BAIAP2: variants seen among roughly 807,000 people sequenced by gnomAD.
The protein encoded by BAIAP2 is BAR/IMD domain containing adaptor protein 2, also known as BAR/IMD domain-containing adapter protein 2.
BAIAP2 carries 18 observed loss-of-function variants against 63.0 expected under a neutral mutation model. The ratio of observed to expected loss-of-function variants is 0.29; its 90% CI spans 0.20 to 0.42. The LOEUF is 0.42. Among genes scored for constraint, BAIAP2 ranks in the 10% least tolerant of loss-of-function variants. The pLI, the probability that BAIAP2 is intolerant of heterozygous loss-of-function variation, is 1.00. For synonymous variants in BAIAP2, 386 were observed against 307.6 expected (o/e 1.25, Z -2.67); for missense variants, 610 against 734.3 (o/e 0.83, Z 1.96).
chr17:81,109,227 C>T (rs957213301), intron 13 of BAIAP2: 15 of 1,376,122 alleles, frequency 1.1e-5, no homozygotes, highest in East Asian at 2.8e-5. Flanking sequence ...CTGTGTGTCC[C>T]AGCCTTTTGA....
chr17:81,086,617 C>T, intron 6 of BAIAP2, 37 bp downstream of exon 6: 1 of 1,609,314 alleles, frequency 6.2e-7, no homozygotes. Flanking sequence ...CCTCTCCTGC[C>T]ACCTTGGGAC....
intron 9 of BAIAP2, 142 bp downstream of exon 9, chr17:81,104,250 TAC>T: frequency 1.0e-6 from 1 of 961,540 alleles, no homozygotes; most frequent in Non-Finnish European, 1.6e-6. Context: ...ATGCATGTGG[TAC>T]ACACACGTGT....
chr17:81,057,979 C>CCCCCCT lies in BAIAP2; in HGVS notation c.217+17_217+18insTCCCCC. 1 of 1,084,604 alleles carries CCCCCCT rather than the reference C, an allele frequency of 9.2e-7. No individual in the cohort carries two copies. The highest frequency in any genetic ancestry group is 1.2e-6 in the Non-Finnish European group (1 of 821,744). The allele number at this position is 1,084,604 out of a possible 1,614,324, so 67.2% of individuals were successfully genotyped here. A position where few individuals can be genotyped will look rare whatever the true frequency, so the allele number is the denominator to read the frequency against. On this transcript the variant is annotated intron_variant, in intron 3 of 13. Coordinates refer to ENST00000428708, the MANE Select transcript of BAIAP2 (RefSeq NM_001144888.2). ...CTCCAAAGAACTCGGTGAGACCCCC[C>CCCCCCT]CCCCCCCCCCGCCTGGTAGTCGCCT...
chr17:81,099,958 G>A lies in BAIAP2; in HGVS notation c.520G>A (p.Glu174Lys), dbSNP rs2058269279. The A allele has an allele frequency of 6.2e-7, 1 of 1,613,486 alleles. No individual in the cohort carries two copies. The highest frequency in any genetic ancestry group is 8.5e-7 in the Non-Finnish European group (1 of 1,179,956). ...CGACGCCATCAGCAACAAGCAGGGC[G>A]AGCTGGAGAATTACGTGTCCGACGG... Reference protein sequence around the residue: ...YIDAISNKQGELENYVSDGYK... With the variant: ...YIDAISNKQGKLENYVSDGYK... The change falls in exon 7 of 14, where the codon GAG becomes AAG. Residue 174 changes from glutamate to lysine, a missense_variant. Transcript: ENST00000428708.
At chr17:81,069,114 T>G (rs545636519) in intron 3 of BAIAP2, among the ~76,000 whole-genome samples, 80 of 152,326 alleles carry the variant, frequency 5.3e-4, no homozygotes, top group African/African-American at 1.8e-3. Flanking sequence ...TTTAAACGTC[T>G]GAAGGGCAAA....
rs115574007 is a variant in BAIAP2, at chr17:81,075,637, C to A, written c.218-9195C>A. 2.1e-3 allele frequency among the ~76,000 whole-genome samples: 322 copies of A among 152,314 alleles called. 1 individual carries two copies. Among genetic ancestry groups the A allele is most frequent in the African/African-American group, 7.4e-3 (309 of 41,572 alleles). On this transcript the variant is annotated intron_variant, in intron 3 of 13. Transcript: ENST00000428708. Reference sequence around the variant, plus strand: ...GTCCTGAGTGACCCTCTCCAAGGACCCTACCTCCACCTGTCCACCAGCCCT... The same window carrying A: ...GTCCTGAGTGACCCTCTCCAAGGACACTACCTCCACCTGTCCACCAGCCCT...
At position 81,066,910 on chromosome 17, in the gene BAIAP2, T is replaced by C. The variant is rs942409201; in HGVS notation, c.217+8943T>C. ...GACAGCAGTGTATGGGCATGACACC[T>C]GCTTTCAGGCCCTCACGGCAGGGCC... On this transcript the variant is annotated intron_variant, in intron 3 of 13. Transcript: ENST00000428708. Among the ~76,000 whole-genome samples, 9 of 152,228 alleles carry C rather than the reference T, an allele frequency of 5.9e-5. No homozygotes were observed. In the South Asian group the frequency reaches 6.2e-4, roughly 11 times the overall value.
rs1415943425 is a variant in BAIAP2, at chr17:81,080,857, T to TA, written c.218-3967dup. Among the ~76,000 whole-genome samples, 23 of 151,812 alleles carry TA rather than the reference T, an allele frequency of 1.5e-4. 1 individual carries two copies. Among genetic ancestry groups the TA allele is most frequent in the Admixed American group, 1.4e-3 (22 of 15,266 alleles). On this transcript the variant is annotated intron_variant, in intron 3 of 13. Transcript: ENST00000428708. ...CATAGTGAGACCCCATCTCAAAAAA[T>TA]AAAAAAAATGGGATATGGCAAGAGC...
In BAIAP2 at chr17:81,108,823, C is replaced by G. The variant is rs1001826330; in HGVS notation, c.1535+314C>G. 3.0e-6 allele frequency: 4 copies of G among 1,314,826 alleles called. No homozygotes were observed. The African/African-American group carries it at 5.9e-5, about 19-fold the overall frequency. The allele number at this position is 1,314,826 out of a possible 1,614,324, so 81.4% of individuals were successfully genotyped here. A position where few individuals can be genotyped will look rare whatever the true frequency, so the allele number is the denominator to read the frequency against. On this transcript the variant is annotated intron_variant, in intron 13 of 13. Transcript: ENST00000428708. ...GCAGCCTCCTCTGCCCCAATCTGTG[C>G]TCCGCCCTTGTCCTGGGTCTTCCTG...
intron 1 of BAIAP2, 86 bp downstream of exon 1, chr17:81,035,394 G>T: frequency 1.2e-6 from 1 of 808,224 alleles, no homozygotes; most frequent in Non-Finnish European, 1.5e-6. Flanking sequence ...GACCAGGGCG[G>T]CCCCGGGGCC....
rs1341708244 is a variant in BAIAP2 at position 81,041,866 on chromosome 17, C to T, written c.54+6558C>T. On this transcript the variant is annotated intron_variant, in intron 1 of 13. Transcript: ENST00000428708. ...GGATTACAGGCATGAGCCACTGCGC[C>T]TGGCCCTGTTTGGGTAGATTTTTCA... Among the ~76,000 whole-genome samples the T allele has an allele frequency of 3.3e-5, 5 of 152,224 alleles. No individual in the cohort carries two copies. In the East Asian group the frequency reaches 5.8e-4, roughly 18 times the overall value.
At chr17:81,037,135 C>T (rs1386451359) in intron 1 of BAIAP2, among the ~76,000 whole-genome samples, 1 of 152,240 alleles carries the variant, frequency 6.6e-6, no homozygotes, top group Non-Finnish European at 1.5e-5. Flanking sequence ...GGACTTTGAG[C>T]CCCTGTGGAC....
At chr17:81,036,289 T>G (rs758559417) in intron 1 of BAIAP2, among the ~76,000 whole-genome samples, 14 of 152,250 alleles carry the variant, frequency 9.2e-5, no homozygotes, top group Admixed American at 3.3e-4. Context: ...CTTACAGATG[T>G]GCTTTGTTTC....
At chr17:81,079,921 C>T (rs866151452) in intron 3 of BAIAP2, among the ~76,000 whole-genome samples, 2 of 152,134 alleles carry the variant, frequency 1.3e-5, no homozygotes, top group South Asian at 4.1e-4. Context: ...AGTCTGCCCG[C>T]CGCATGGGAG....
At chr17:81,036,591 G>A in intron 1 of BAIAP2, among the ~76,000 whole-genome samples, 1 of 152,248 alleles carries the variant, frequency 6.6e-6, no homozygotes, top group East Asian at 1.9e-4. Flanking sequence ...TGAAGTTGGG[G>A]CCGCGTCAGT....
At chr17:81,085,036 C>A (rs1383568637) in intron 4 of BAIAP2, 143 bp downstream of exon 4, 7 of 793,832 alleles carry the variant, frequency 8.8e-6, no homozygotes, top group Non-Finnish European at 1.5e-5. Flanking sequence ...TGGCTCAGCA[C>A]ACAAGCCACA....
intron 13 of BAIAP2, among the ~76,000 whole-genome samples, chr17:81,114,784 T>G (rs1233361201): frequency 6.6e-6 from 1 of 152,146 alleles, no homozygotes; most frequent in Non-Finnish European, 1.5e-5. Flanking sequence ...CGGCTGCCTG[T>G]GCCTCTTCCC....
At chr17:81,078,067 A>G (rs1409351565) in intron 3 of BAIAP2, among the ~76,000 whole-genome samples, 6 of 129,924 alleles carry the variant, frequency 4.6e-5, no homozygotes, top group African/African-American at 1.8e-4. Context: ...TGCCAGTGCC[A>G]TCTTAGATCT....
At chr17:81,109,897 G>T in intron 13 of BAIAP2, 1 of 985,474 alleles carries the variant, frequency 1.0e-6, no homozygotes, top group Non-Finnish European at 1.2e-6. Context: ...TGTGCGGGCC[G>T]GGCCCGGCTG....
Sources: gnomAD v4.1 joint callset for allele counts (sites outside exome capture counted in the v4.1 genomes callset) on GRCh38, gnomAD v4.1.1 for gene constraint, MANE v1.5 for transcripts, NCBI Gene and HGNC (gene_info 2026-07-23, HGNC 2026-07-21) for gene names.